ADGRV1: variants seen among roughly 807,000 people sequenced by gnomAD.
The protein encoded by ADGRV1 is G-protein coupled receptor 98.
A neutral mutation model predicts 596.2 loss-of-function variants in ADGRV1; 359 were observed. The ratio of observed to expected loss-of-function variants is 0.60; its 90% CI spans 0.55 to 0.66. The LOEUF is 0.66. Among genes scored for constraint, ADGRV1 ranks in the 30% least tolerant of loss-of-function variants. The pLI is 0.00. For synonymous variants in ADGRV1, 2,681 were observed against 2,679.2 expected (o/e 1.00, Z -0.02); for missense variants, 7,274 against 7,575.6 (o/e 0.96, Z 1.48).
intron 82 of ADGRV1, among the ~76,000 whole-genome samples, chr5:90,861,599 A>G (rs574565421): frequency 5.0e-4 from 76 of 151,690 alleles, no homozygotes; most frequent in Admixed American, 1.1e-3. Flanking sequence ...CTGAGCCACC[A>G]TGCCCGGCTA....
At chr5:91,110,104 G>A (rs905961241) in intron 87 of ADGRV1, among the ~76,000 whole-genome samples, 9 of 151,924 alleles carry the variant, frequency 5.9e-5, no homozygotes, top group South Asian at 2.1e-4. Context: ...TTATTTTCCC[G>A]TTCCATTAAT....
rs367588475 is a variant in ADGRV1, at chr5:90,672,673, T to C, written c.4880T>C (p.Phe1627Ser). The C allele has an allele frequency of 7.4e-6, 12 of 1,613,560 alleles. No homozygotes were observed. The African/African-American group carries it at 1.3e-4, about 18-fold the overall frequency. ...GGCATTAATTACCTTGTTGATGACT[T>C]TGCTAATGCCAGTGGAACTATTACA... is the stretch of plus-strand genomic sequence containing the variant. ...TDGINYLVDDFANASGTITFL... is the reference protein window; with the variant it reads ...TDGINYLVDDSANASGTITFL... Residue 1627 changes from phenylalanine to serine, a missense_variant, in exon 22 of 90, where the codon TTT becomes TCT. Coordinates refer to ENST00000405460, the MANE Select transcript of ADGRV1 (RefSeq NM_032119.4).
In ADGRV1 at chr5:90,788,158, T is replaced by A; in HGVS notation, c.13741T>A (p.Tyr4581Asn). Residue 4581 changes from tyrosine (Y) to asparagine (N), a missense_variant, in exon 68 of 90, where the codon TAT becomes AAT. Physicochemically the swap from Tyr to Asn is moderately radical, Grantham distance 143. Coordinates refer to ENST00000405460, the MANE Select transcript of ADGRV1 (RefSeq NM_032119.4). ...DIADPVSGLF[Y>N]FGEGEGGVRT... ...TGCAGACCCAGTGAGCGGGTTGTTC[T>A]ATTTTGGAGAAGGAGAAGGAGGAGT... is the stretch of plus-strand genomic sequence containing the variant. 6.2e-7 allele frequency: 1 copy of A among 1,613,906 alleles called. No homozygotes were observed. Among genetic ancestry groups the A allele is most frequent in the Non-Finnish European group, 8.5e-7 (1 of 1,179,814 alleles).
At chr5:90,859,403 A>T (rs930274145) in intron 82 of ADGRV1, among the ~76,000 whole-genome samples, 1 of 152,122 alleles carries the variant, frequency 6.6e-6, no homozygotes, top group Non-Finnish European at 1.5e-5. Context: ...GTGCCATACC[A>T]TATTTTTCTA....
At chr5:91,031,793 A>G (rs1335829701) in intron 85 of ADGRV1, among the ~76,000 whole-genome samples, 2 of 152,332 alleles carry the variant, frequency 1.3e-5, no homozygotes, top group East Asian at 3.9e-4. Flanking sequence ...TTATGTGATC[A>G]ATAAATTTTA....
intron 67 of ADGRV1, among the ~76,000 whole-genome samples, chr5:90,785,443 C>T (rs1451692951): frequency 6.6e-6 from 1 of 152,136 alleles, no homozygotes; most frequent in Non-Finnish European, 1.5e-5. Context: ...CAAGGCAAAA[C>T]AGACTACCAT....
chr5:90,911,583 A>C (rs759098387), intron 83 of ADGRV1, among the ~76,000 whole-genome samples: 36 of 152,208 alleles, frequency 2.4e-4, no homozygotes, highest in Non-Finnish European at 4.4e-4. Context: ...ATTTTTATTG[A>C]TATAAAACAT....
At chr5:91,163,272 C>A (rs113321316) in intron 89 of ADGRV1, among the ~76,000 whole-genome samples, 1,532 of 152,282 alleles carry the variant, frequency 0.01, 19 homozygotes, top group Middle Eastern at 0.044. Flanking sequence ...CTGAATCATT[C>A]AAAGCCAATG....
At chr5:90,670,951 C>T (rs557096177) in intron 21 of ADGRV1, among the ~76,000 whole-genome samples, 88 of 152,324 alleles carry the variant, frequency 5.8e-4, no homozygotes, top group African/African-American at 1.8e-3. Flanking sequence ...CCGCATCACA[C>T]GGCCTCAAAG....
At chr5:90,847,738 GGGGCTGGCA>G (rs1477340585) in intron 78 of ADGRV1, among the ~76,000 whole-genome samples, 1 of 152,198 alleles carries the variant, frequency 6.6e-6, no homozygotes, top group African/African-American at 2.4e-5. Context: ...CTCACTGCCC[GGGGCTGGCA>G]GGGCTGGCTG....
intron 86 of ADGRV1, among the ~76,000 whole-genome samples, chr5:91,072,893 T>C (rs1788512839): frequency 6.6e-6 from 1 of 152,200 alleles, no homozygotes; most frequent in Admixed American, 6.5e-5. Context: ...TTTCATTAAG[T>C]GAAGCAATAA....
intron 27 of ADGRV1, among the ~76,000 whole-genome samples, chr5:90,681,839 T>A (rs1460221494): frequency 1.3e-5 from 1 of 78,146 alleles, no homozygotes; most frequent in Non-Finnish European, 2.3e-5. Flanking sequence ...CGTCCCTCCC[T>A]CCCTTCCTTC....
intron 76 of ADGRV1, among the ~76,000 whole-genome samples, 196 bp downstream of exon 76, chr5:90,823,792 A>C (rs1382452856): frequency 6.6e-6 from 1 of 152,196 alleles, no homozygotes; most frequent in Non-Finnish European, 1.5e-5. Flanking sequence ...TTTGTAAATA[A>C]ACTTGTCATT....
At chr5:90,997,790 C>G (rs1263522888) in intron 85 of ADGRV1, among the ~76,000 whole-genome samples, 2 of 152,126 alleles carry the variant, frequency 1.3e-5, no homozygotes, top group African/African-American at 4.8e-5. Context: ...TACTTACCCT[C>G]TGTGAGCTTG....
chr5:90,694,472 A>G lies in ADGRV1; in HGVS notation c.7716A>G (p.Leu2572=). The G allele has an allele frequency of 6.2e-7, 1 of 1,613,988 alleles. No homozygotes were observed. Among genetic ancestry groups the G allele is most frequent in the Non-Finnish European group, 8.5e-7 (1 of 1,179,856 alleles). The part of the protein sequence containing the change: ...QPNISTVVIA[L]NGDAFGVFVI... ...ATATTTCTACAGTTGTCATAGCACT[A>G]AATGGTGATGCCTTTGGAGTGTTTG... Residue 2572 remains leucine (L), a synonymous_variant, in exon 33 of 90, where the codon CTA becomes CTG. Transcript: ENST00000405460.
In ADGRV1 at chr5:90,754,981, A is replaced by G; in HGVS notation, c.11378-2A>G. Reference sequence around the variant, plus strand: ...TTTACTCGTGGCATGTTTCTCTCACAGAAAACACCACCACTCTTCAGTTAC... The same window carrying G: ...TTTACTCGTGGCATGTTTCTCTCACGGAAAACACCACCACTCTTCAGTTAC... On this transcript the variant is annotated splice_acceptor_variant, in intron 54 of 89. Transcript: ENST00000405460. LOFTEE classifies it high-confidence loss of function. 6.2e-7 allele frequency: 1 copy of G among 1,607,232 alleles called. No individual in the cohort carries two copies. The highest frequency in any genetic ancestry group is 8.5e-7 in the Non-Finnish European group (1 of 1,174,194).
rs78889607 is a variant in ADGRV1 at position 91,095,486 on chromosome 5, A to T, written c.18311-6733A>T. 2.9e-3 allele frequency among the ~76,000 whole-genome samples: 446 copies of T among 152,242 alleles called. 2 individuals are homozygous for T. Among genetic ancestry groups the T allele is most frequent in the African/African-American group, 0.01 (434 of 41,540 alleles). ...TCATGGTGATTTGGCAGTTCTGTGA[A>T]ATATGTGCCTTATTGCCTTCCTGTA... On this transcript the variant is annotated intron_variant, in intron 86 of 89. Transcript: ENST00000405460.
chr5:90,561,209 T>C (rs1185934640), intron 1 of ADGRV1, among the ~76,000 whole-genome samples: 2 of 152,166 alleles, frequency 1.3e-5, no homozygotes, highest in Non-Finnish European at 2.9e-5. Context: ...CTTTTTATCT[T>C]AGATTAAATG....
At chr5:90,764,905 G>T (rs535222231) in intron 59 of ADGRV1, among the ~76,000 whole-genome samples, 1 of 152,154 alleles carries the variant, frequency 6.6e-6, no homozygotes, top group East Asian at 1.9e-4. Flanking sequence ...TCCCTGGGAA[G>T]TTCCTGAATA....
Sources: allele counts gnomAD v4.1 joint callset (sites outside exome capture counted in the v4.1 genomes callset), GRCh38; gene constraint gnomAD v4.1.1; transcripts MANE v1.5; gene names NCBI Gene and HGNC (gene_info 2026-07-23, HGNC 2026-07-21).